Variants in USP15 observed in about 807,000 individuals in gnomAD.
USP15 encodes the protein ubiquitin carboxyl-terminal hydrolase 15.
A neutral mutation model predicts 127.1 loss-of-function variants in USP15; 18 were observed. The observed-to-expected ratio is 0.14, with a 90% CI of 0.10 to 0.21. The LOEUF (loss-of-function observed/expected upper bound fraction) is 0.21. Among genes scored for constraint, USP15 ranks in the 10% least tolerant of loss-of-function variants. The probability of loss-of-function intolerance (pLI) is 1.00; values close to 1 mark genes in which losing one functional copy is unlikely to be tolerated. For synonymous variants in USP15, 364 were observed against 393.7 expected (o/e 0.92, Z 0.89); for missense variants, 805 against 1,159.9 (o/e 0.69, Z 4.44).
At chr12:62,341,934 A>G (rs1043535170) in intron 6 of USP15, among the ~76,000 whole-genome samples, 9 of 152,088 alleles carry the variant, frequency 5.9e-5, no homozygotes, top group Admixed American at 2.6e-4. Context: ...CTGTCTTACA[A>G]GGTTGGGGAG....
chr12:62,262,615 T>C (rs1038602165), intron 1 of USP15, among the ~76,000 whole-genome samples: 3 of 152,068 alleles, frequency 2.0e-5, no homozygotes, highest in African/African-American at 7.2e-5. Flanking sequence ...CAAATAAGTA[T>C]ATTTTTGCTT....
chr12:62,281,487 C>T (rs936735535), intron 1 of USP15, among the ~76,000 whole-genome samples: 2 of 152,126 alleles, frequency 1.3e-5, no homozygotes, highest in African/African-American at 4.8e-5. Flanking sequence ...CAAAAGTATG[C>T]GCCACCACAC....
At position 62,396,433 on chromosome 12, in the gene USP15, G is replaced by A. The variant is rs571605972; in HGVS notation, c.2674+35G>A. 4.0e-4 allele frequency: 627 copies of A among 1,573,198 alleles called. 5 individuals are homozygous for A. The South Asian group carries it at 5.4e-3, about 13-fold the overall frequency. ...CAGTTTGCCTTTTTACCCAAATCAT[G>A]GTGTTTGAAGAACTCCAGACTTTTT... On this transcript the variant is annotated intron_variant, in intron 20 of 21. Transcript: ENST00000280377.
Position 62,283,945 on chromosome 12 carries a change from AAAAC to A in USP15, c.90-10227_90-10224del, listed in dbSNP as rs1054192150. 1.4e-3 allele frequency among the ~76,000 whole-genome samples: 219 copies of A among 152,322 alleles called. 1 individual carries two copies. The highest frequency in any genetic ancestry group is 5.0e-3 in the African/African-American group (207 of 41,582). On this transcript the variant is annotated intron_variant, in intron 1 of 21. Coordinates refer to ENST00000280377, the MANE Select transcript of USP15 (RefSeq NM_001252078.2). ...CAGCAGAGCGAGACCCTATCTCCAA[AAAAC>A]AAACAACAAATATTATTTCTATGCA...
intron 20 of USP15, among the ~76,000 whole-genome samples, chr12:62,398,094 C>T (rs1373597597): frequency 1.3e-5 from 2 of 151,688 alleles, no homozygotes; most frequent in East Asian, 3.9e-4. Flanking sequence ...TGGGTTCAAG[C>T]GATCCTACCA....
intron 1 of USP15, among the ~76,000 whole-genome samples, chr12:62,290,404 C>A (rs1396294214): frequency 6.6e-6 from 1 of 152,014 alleles, no homozygotes; most frequent in East Asian, 1.9e-4. Flanking sequence ...TTAAAGTCAG[C>A]TTTATCTGAT....
chr12:62,383,270 C>T (rs1174381662), intron 9 of USP15, among the ~76,000 whole-genome samples: 1 of 151,902 alleles, frequency 6.6e-6, no homozygotes, highest in Non-Finnish European at 1.5e-5. Context: ...ACAACATTTT[C>T]GTCAACCAGA....
chr12:62,320,887 A>T (rs2064967127), intron 4 of USP15, among the ~76,000 whole-genome samples: 1 of 152,184 alleles, frequency 6.6e-6, no homozygotes, highest in South Asian at 2.1e-4. Flanking sequence ...GAACTAGATG[A>T]AATTTCAGTA....
At chr12:62,304,131 T>C (rs1198758769) in intron 3 of USP15, among the ~76,000 whole-genome samples, 1 of 152,170 alleles carries the variant, frequency 6.6e-6, no homozygotes, top group East Asian at 1.9e-4. Context: ...ACTAGCGGTC[T>C]TCAGTATGAT....
chr12:62,353,168 T>C (rs920920294), intron 7 of USP15, among the ~76,000 whole-genome samples: 13 of 152,086 alleles, frequency 8.5e-5, no homozygotes, highest in Non-Finnish European at 1.5e-4. Context: ...TATTAAAGTA[T>C]CTTAAATTGA....
At chr12:62,384,916 T>C (rs2067101276) in intron 11 of USP15, among the ~76,000 whole-genome samples, 1 of 151,936 alleles carries the variant, frequency 6.6e-6, no homozygotes, top group African/African-American at 2.4e-5. Flanking sequence ...ATAATTGGAT[T>C]ATTTATATTT....
chr12:62,324,904 A>G (rs1056483000), intron 5 of USP15, among the ~76,000 whole-genome samples: 1 of 151,928 alleles, frequency 6.6e-6, no homozygotes. Flanking sequence ...AAGTGCATGT[A>G]GAGTAGTTTA....
At chr12:62,277,880 C>CT (rs984544882) in intron 1 of USP15, among the ~76,000 whole-genome samples, 5 of 152,192 alleles carry the variant, frequency 3.3e-5, no homozygotes, top group African/African-American at 1.2e-4. Context: ...TTAGGCTACA[C>CT]TAAGTTAATT....
intron 2 of USP15, among the ~76,000 whole-genome samples, chr12:62,296,779 T>A (rs1016774782): frequency 6.6e-6 from 1 of 152,124 alleles, no homozygotes; most frequent in Admixed American, 6.5e-5. Context: ...CAGCCCCTCC[T>A]CCAAGGAGTC....
intron 8 of USP15, among the ~76,000 whole-genome samples, chr12:62,372,071 C>A (rs945915363): frequency 1.2e-4 from 19 of 152,058 alleles, no homozygotes; most frequent in Non-Finnish European, 2.5e-4. Flanking sequence ...AAAATTAGTT[C>A]TTTCACACAC....
intron 1 of USP15, among the ~76,000 whole-genome samples, chr12:62,287,605 G>T (rs77136711): frequency 2.3e-3 from 351 of 152,086 alleles, no homozygotes; most frequent in African/African-American, 7.8e-3. Flanking sequence ...TTTTTTGTTG[G>T]ATTTGTTTTT....
intron 3 of USP15, among the ~76,000 whole-genome samples, chr12:62,310,654 A>C (rs1162773575): frequency 6.6e-6 from 1 of 151,938 alleles, no homozygotes; most frequent in Non-Finnish European, 1.5e-5. Flanking sequence ...GGTTGGTTCC[A>C]TATCTTGCTA....
In USP15 at chr12:62,260,424, G is replaced by A; in HGVS notation, c.10G>A (p.Gly4Ser). MAE[G>S]GAADLDTQRS... ...CCGCTAGTGGAAGAAGATGGCGGAA[G>A]GCGGAGCGGCGGATCTGGACACCCA... is the stretch of plus-strand genomic sequence containing the variant. The change falls in exon 1 of 22, where the codon GGC becomes AGC. Residue 4 changes from glycine (G) to serine (S), a missense_variant. By Grantham distance (56) the Gly-to-Ser change is moderately conservative. This residue lies in a region of USP15 where 45 missense variants were observed against 37.8 expected (regional missense o/e 1.19). Coordinates refer to ENST00000280377, the MANE Select transcript of USP15 (RefSeq NM_001252078.2). 6.4e-7 allele frequency: 1 copy of A among 1,551,294 alleles called. No individual in the cohort carries two copies. Among genetic ancestry groups the A allele is most frequent in the South Asian group, 1.2e-5 (1 of 84,024 alleles).
At chr12:62,330,059 C>T (rs2065244186) in intron 6 of USP15, among the ~76,000 whole-genome samples, 1 of 151,892 alleles carries the variant, frequency 6.6e-6, no homozygotes, top group Non-Finnish European at 1.5e-5. Flanking sequence ...ATGGTGAGAT[C>T]TTTAAAACTA....
Sources: gnomAD v4.1 joint callset for allele counts (sites outside exome capture counted in the v4.1 genomes callset) on GRCh38, gnomAD v4.1.1 for gene constraint, gnomAD v4.1.1 regional missense constraint, MANE v1.5 for transcripts, NCBI Gene and HGNC (gene_info 2026-07-23, HGNC 2026-07-21) for gene names.